The following OPCML variants were observed in gnomAD, a reference collection of about 807,000 sequenced individuals.
The protein encoded by OPCML is opioid-binding protein/cell adhesion molecule.
In OPCML, 13 loss-of-function variants were observed where a neutral mutation model predicts 37.8. The ratio of observed to expected loss-of-function variants is 0.34; its 90% CI spans 0.22 to 0.55. The LOEUF is 0.55. Among genes scored for constraint, OPCML ranks in the 20% least tolerant of loss-of-function variants. The probability of loss-of-function intolerance (pLI) is 0.91; values close to 1 mark genes in which losing one functional copy is unlikely to be tolerated. For missense variants in OPCML, 341 were observed against 435.6 expected (o/e 0.78, Z 1.93); for synonymous variants, 176 against 168.8 (o/e 1.04, Z -0.33).
At chr11:132,484,454 T>A (rs1168258902) in intron 4 of OPCML, among the ~76,000 whole-genome samples, 2 of 152,168 alleles carry the variant, frequency 1.3e-5, no homozygotes, top group East Asian at 3.9e-4. Context: ...ATAGGAACAC[T>A]TTTACACTGT....
At chr11:133,385,659 A>C (rs1945029811) in intron 1 of OPCML, among the ~76,000 whole-genome samples, 1 of 151,726 alleles carries the variant, frequency 6.6e-6, no homozygotes, top group Admixed American at 6.6e-5. Context: ...GAGGAAGCTG[A>C]AACTTCGATG....
At position 132,883,272 on chromosome 11, in the gene OPCML, T is replaced by TA. The variant is rs34832931; in HGVS notation, c.146+59653dup. ...TGCTGGGGGTCATGTATGCCTACTTTAAAAAAAAAAAAGGGGGCTGAAACA... is the reference window on the plus strand; with the variant it reads ...TGCTGGGGGTCATGTATGCCTACTTTAAAAAAAAAAAAAGGGGGCTGAAACA... On this transcript the variant is annotated intron_variant, in intron 2 of 7. Transcript: ENST00000524381. Among the ~76,000 whole-genome samples, 715 of 145,268 alleles carry TA rather than the reference T, an allele frequency of 4.9e-3. 2 individuals are homozygous for TA. Among genetic ancestry groups the TA allele is most frequent in the African/African-American group, 0.014 (563 of 39,500 alleles).
chr11:133,012,396 C>A (rs544841945), intron 1 of OPCML, among the ~76,000 whole-genome samples: 1 of 152,060 alleles, frequency 6.6e-6, no homozygotes, highest in South Asian at 2.1e-4. Flanking sequence ...GGATTGGAAG[C>A]GGTTGGAAAA....
chr11:133,007,856 G>T, intron 1 of OPCML: 1 of 985,418 alleles, frequency 1.0e-6, no homozygotes, highest in Non-Finnish European at 1.2e-6. Context: ...GGCAATTTTA[G>T]AACAAAAGAT....
At chr11:133,346,421 A>G (rs1470737177) in intron 1 of OPCML, among the ~76,000 whole-genome samples, 18 of 152,230 alleles carry the variant, frequency 1.2e-4, no homozygotes, top group Non-Finnish European at 2.9e-5. Flanking sequence ...AAAGCAGAAG[A>G]GAGAACAGAG....
At chr11:132,826,691 G>A (rs916492169) in intron 2 of OPCML, among the ~76,000 whole-genome samples, 3 of 152,112 alleles carry the variant, frequency 2.0e-5, no homozygotes, top group African/African-American at 7.2e-5. Flanking sequence ...ACCCTATACT[G>A]CATTATGACC....
chr11:133,501,500 C>T (rs976105722), intron 1 of OPCML, among the ~76,000 whole-genome samples: 9 of 152,222 alleles, frequency 5.9e-5, no homozygotes, highest in Admixed American at 2.0e-4. Flanking sequence ...AATCAGATAA[C>T]TGACTTCCTG....
intron 2 of OPCML, among the ~76,000 whole-genome samples, chr11:132,818,183 G>A (rs117202335): frequency 0.016 from 2,464 of 152,250 alleles, 27 homozygotes; most frequent in Middle Eastern, 0.031. Context: ...GAGCCTGGAA[G>A]TAGAGAAGAT....
At chr11:133,007,039 G>A (rs1947127248) in intron 1 of OPCML, 1 of 985,260 alleles carries the variant, frequency 1.0e-6, no homozygotes, top group African/African-American at 1.7e-5. Flanking sequence ...GGAAAGGCAT[G>A]AGAAAAAAAT....
chr11:132,701,699 A>C (rs1943823534), intron 2 of OPCML, among the ~76,000 whole-genome samples: 1 of 149,530 alleles, frequency 6.7e-6, no homozygotes, highest in Admixed American at 6.7e-5. Flanking sequence ...TTGTTTTCCA[A>C]CTACTTTGTG....
At chr11:133,101,059 G>A (rs1363244416) in intron 1 of OPCML, among the ~76,000 whole-genome samples, 2 of 152,116 alleles carry the variant, frequency 1.3e-5, no homozygotes, top group Non-Finnish European at 2.9e-5. Flanking sequence ...CGAGTAGCTG[G>A]GACTACAGGT....
Position 132,491,331 on chromosome 11 carries a change from A to G in OPCML, c.505+37730T>C, listed in dbSNP as rs541317985. Among the ~76,000 whole-genome samples the G allele has an allele frequency of 2.0e-5, 3 of 152,360 alleles. No individual in the cohort carries two copies. In the East Asian group the frequency reaches 5.8e-4, roughly 29 times the overall value. ...TCCTTACAATGGCCTGGACTGCTCC[A>G]TGTGCTCAGCCCTGTGGCTCTCCCT... On this transcript the variant is annotated intron_variant, in intron 4 of 7. Transcript: ENST00000524381.
At chr11:132,604,581 C>A (rs2137800930) in intron 3 of OPCML, among the ~76,000 whole-genome samples, 1 of 152,276 alleles carries the variant, frequency 6.6e-6, no homozygotes, top group Admixed American at 6.5e-5. Context: ...CATTCTACCA[C>A]CAACTCAAAC....
chr11:133,115,203 T>C (rs556392189), intron 1 of OPCML, among the ~76,000 whole-genome samples: 2 of 152,324 alleles, frequency 1.3e-5, no homozygotes, highest in East Asian at 3.9e-4. Flanking sequence ...CCTGATGCTA[T>C]CCACAAAGGG....
At chr11:132,973,935 T>G (rs1243129181) in intron 1 of OPCML, among the ~76,000 whole-genome samples, 1 of 152,060 alleles carries the variant, frequency 6.6e-6, no homozygotes, top group Admixed American at 6.5e-5. Context: ...GCCTACCCCT[T>G]ACCAAGCATA....
chr11:133,029,974 G>A (rs1214943069), intron 1 of OPCML, among the ~76,000 whole-genome samples: 1 of 152,088 alleles, frequency 6.6e-6, no homozygotes, highest in African/African-American at 2.4e-5. Flanking sequence ...AAGTAACTTG[G>A]TCAAGGTCAC....
At chr11:133,295,994 G>A (rs567282132) in intron 1 of OPCML, among the ~76,000 whole-genome samples, 4 of 152,162 alleles carry the variant, frequency 2.6e-5, no homozygotes, top group Admixed American at 2.6e-4. Flanking sequence ...TCTATTTTTG[G>A]TCTATATGAG....
intron 3 of OPCML, among the ~76,000 whole-genome samples, chr11:132,559,205 G>T (rs141523271): frequency 4.6e-5 from 7 of 152,186 alleles, no homozygotes; most frequent in African/African-American, 1.4e-4. Flanking sequence ...AAGGGAGGAA[G>T]GAGAACATGC....
intron 2 of OPCML, among the ~76,000 whole-genome samples, chr11:132,795,872 C>A (rs906189907): frequency 6.6e-6 from 1 of 152,200 alleles, no homozygotes; most frequent in Non-Finnish European, 1.5e-5. Context: ...GTGCTTATAA[C>A]CCTTGTACGA....
Sources: allele counts gnomAD v4.1 joint callset (sites outside exome capture counted in the v4.1 genomes callset), GRCh38; gene constraint gnomAD v4.1.1; transcripts MANE v1.5; gene names NCBI Gene and HGNC (gene_info 2026-07-23, HGNC 2026-07-21).